COQ2: variants seen among roughly 807,000 people sequenced by gnomAD.
COQ2 encodes coenzyme Q2, polyprenyltransferase.
In COQ2, 25 loss-of-function variants were observed where a neutral mutation model predicts 35.7. The ratio of observed to expected loss-of-function variants is 0.70; its 90% CI spans 0.51 to 0.98. The LOEUF (loss-of-function observed/expected upper bound fraction) is 0.98. Ranked by LOEUF, COQ2 falls within the 50% of genes least tolerant of loss-of-function variation. The pLI, the probability that COQ2 is intolerant of heterozygous loss-of-function variation, is 0.00. For synonymous variants in COQ2, 206 were observed against 186.2 expected (o/e 1.11, Z -0.86); for missense variants, 488 against 473.5 (o/e 1.03, Z -0.28).
At chr4:83,275,113 ATCTT>A (rs1267765201) in intron 2 of COQ2, among the ~76,000 whole-genome samples, 3 of 152,218 alleles carry the variant, frequency 2.0e-5, no homozygotes, top group Non-Finnish European at 4.4e-5. Flanking sequence ...TGCTTTAAAA[ATCTT>A]TCTAAGAAAT....
Position 83,284,558 on chromosome 4 carries a change from G to T in COQ2, c.207C>A (p.Arg69=). The T allele has an allele frequency of 6.4e-7, 1 of 1,568,394 alleles. No individual in the cohort carries two copies. The highest frequency in any genetic ancestry group is 2.4e-5 in the East Asian group (1 of 41,754). ...SAAAVVDSAP[R]PLQPYLRLMR... Reference sequence around the variant, plus strand: ...TGAGGCGCAAGTACGGCTGCAGGGGGCGGGGCGCAGAGTCCACCACCGCCG... The same window carrying T: ...TGAGGCGCAAGTACGGCTGCAGGGGTCGGGGCGCAGAGTCCACCACCGCCG... Residue 69 remains arginine (R), a synonymous_variant, in exon 1 of 7, where the codon CGC becomes CGA. Coordinates refer to ENST00000647002, the MANE Select transcript of COQ2 (RefSeq NM_001358921.2).
In COQ2 at chr4:83,264,185, A is replaced by T. The variant is rs1734855044; in HGVS notation, c.*14T>A. 3 of 1,187,682 alleles carry T rather than the reference A, an allele frequency of 2.5e-6. No homozygotes were observed. Among genetic ancestry groups the T allele is most frequent in the Non-Finnish European group, 3.5e-6 (3 of 858,952 alleles). 73.6% of individuals were successfully genotyped at this position (1,187,682 alleles called of 1,614,324 possible). The stretch of plus-strand genomic sequence containing the variant: ...TAAAAAATGTTTTAAAAATTCCTAG[A>T]TAAATTTCATTCATTAATTTTCTAT... On this transcript the variant is annotated 3_prime_UTR_variant, in exon 7 of 7. Coordinates refer to ENST00000647002, the MANE Select transcript of COQ2 (RefSeq NM_001358921.2).
In COQ2 at chr4:83,284,754, G is replaced by T; in HGVS notation, c.11C>A (p.Ser4Ter). Reference sequence around the variant, plus strand: ...GCCCCGCGCGAACCCCGCGGCTCGCGAGCCCAGCATGGCGCTGGTGAGGCC... The same window carrying T: ...GCCCCGCGCGAACCCCGCGGCTCGCTAGCCCAGCATGGCGCTGGTGAGGCC... The part of the protein sequence containing the change: MLG[S>*]RAAGFARGLR... Residue 4 changes from serine (S) to a stop codon, truncating the protein, a stop_gained, in exon 1 of 7, where the codon TCG becomes TAG. Transcript: ENST00000647002. LOFTEE classifies it high-confidence loss of function. 1 of 1,536,542 alleles carries T rather than the reference G, an allele frequency of 6.5e-7. No individual in the cohort carries two copies. Among genetic ancestry groups the T allele is most frequent in the South Asian group, 1.2e-5 (1 of 82,850 alleles).
intron 2 of COQ2, among the ~76,000 whole-genome samples, chr4:83,277,826 G>A (rs990809182): frequency 3.3e-5 from 5 of 152,008 alleles, no homozygotes; most frequent in South Asian, 2.1e-4. Flanking sequence ...AAAATTAACC[G>A]GGCATGGTGG....
chr4:83,269,648 G>A (rs907098731), intron 5 of COQ2, among the ~76,000 whole-genome samples: 1 of 151,924 alleles, frequency 6.6e-6, no homozygotes, highest in African/African-American at 2.4e-5. Flanking sequence ...TTGAATTTTG[G>A]TAAACACACA....
intron 1 of COQ2, chr4:83,283,825 T>C (rs1735385464): frequency 7.1e-6 from 7 of 985,334 alleles, no homozygotes; most frequent in Middle Eastern, 5.2e-4. Flanking sequence ...GATAAAGCGA[T>C]AGAAAGTGAG....
At position 83,283,693 on chromosome 4, in the gene COQ2, C is replaced by G. The variant is rs62303673; in HGVS notation, c.253+819G>C. On this transcript the variant is annotated intron_variant, in intron 1 of 6. Transcript: ENST00000647002. ...AAGCAAAGGGTTTCCATAGCTTTTT[C>G]TATCTCTATGGCCGGACAACGTAGT... 4 of 985,230 alleles carry G rather than the reference C, an allele frequency of 4.1e-6. No homozygotes were observed. In the South Asian group the frequency reaches 1.9e-4, roughly 46 times the overall value. 61.0% of individuals were successfully genotyped at this position (985,230 alleles called of 1,614,324 possible).
At chr4:83,271,498 C>T (rs987714790) in intron 4 of COQ2, among the ~76,000 whole-genome samples, 1 of 152,058 alleles carries the variant, frequency 6.6e-6, no homozygotes, top group East Asian at 1.9e-4. Flanking sequence ...CATGACATAC[C>T]TAGATTTTTA....
chr4:83,270,381 C>T (rs972262918), intron 4 of COQ2, among the ~76,000 whole-genome samples: 15 of 152,222 alleles, frequency 9.9e-5, no homozygotes, highest in Admixed American at 7.9e-4. Flanking sequence ...TTTCTGTTAC[C>T]ACTCTGCCTC....
chr4:83,279,972 T>G lies in COQ2; in HGVS notation c.254-858A>C, dbSNP rs148279280. 7.7e-3 allele frequency among the ~76,000 whole-genome samples: 1,155 copies of G among 150,368 alleles called. 9 individuals are homozygous for G. The highest frequency in any genetic ancestry group is 0.021 in the Middle Eastern group (6 of 292). On this transcript the variant is annotated intron_variant, in intron 1 of 6. Transcript: ENST00000647002. ...AACTCCTGAGCTCAAGTGATCCTCC[T>G]GCCTCCGCCTCCCCAGTAGCTGGAA...
Position 83,273,626 on chromosome 4 carries a change from A to G in COQ2, c.421-9T>C, listed in dbSNP as rs778586293. 2 of 1,612,046 alleles carry G rather than the reference A, an allele frequency of 1.2e-6. No homozygotes were observed. Among genetic ancestry groups the G allele is most frequent in the Non-Finnish European group, 1.7e-6 (2 of 1,179,142 alleles). On this transcript the variant is annotated splice_polypyrimidine_tract_variant and intron_variant, in intron 2 of 6. Coordinates refer to ENST00000647002, the MANE Select transcript of COQ2 (RefSeq NM_001358921.2). Reference sequence around the variant, plus strand: ...TTGGCTGTTCTTGTAACCTTAAAACATAAAAACAGATACCTTAGCTTCATG... The same window carrying G: ...TTGGCTGTTCTTGTAACCTTAAAACGTAAAAACAGATACCTTAGCTTCATG...
chr4:83,279,511 T>C (rs896088020), intron 1 of COQ2, among the ~76,000 whole-genome samples: 1 of 152,182 alleles, frequency 6.6e-6, no homozygotes, highest in Admixed American at 6.6e-5. Context: ...GTATTTCTAA[T>C]GAGGTTACAA....
At chr4:83,278,879 A>C in intron 2 of COQ2, 69 bp downstream of exon 2, 1 of 1,406,614 alleles carries the variant, frequency 7.1e-7, no homozygotes, top group South Asian at 1.7e-5. Flanking sequence ...TGGCATTCAA[A>C]AGTGATACCA....
intron 2 of COQ2, among the ~76,000 whole-genome samples, chr4:83,277,928 C>T (rs942687176): frequency 6.6e-6 from 1 of 151,274 alleles, no homozygotes; most frequent in African/African-American, 2.4e-5. Context: ...GAGCTCGCAC[C>T]ACTGCACTCC....
intron 4 of COQ2, among the ~76,000 whole-genome samples, chr4:83,270,263 G>A (rs1735018300): frequency 6.6e-6 from 1 of 152,052 alleles, no homozygotes; most frequent in Non-Finnish European, 1.5e-5. Flanking sequence ...AAGTAAATAG[G>A]AGGTTTAAAG....
intron 1 of COQ2, among the ~76,000 whole-genome samples, chr4:83,279,630 C>G (rs75935650): frequency 0.023 from 3,514 of 151,896 alleles, 140 homozygotes; most frequent in African/African-American, 0.079. Context: ...ATTCATGCGT[C>G]AATGTTAATA....
chr4:83,271,499 T>C (rs1339223047), intron 4 of COQ2, among the ~76,000 whole-genome samples: 2 of 152,052 alleles, frequency 1.3e-5, no homozygotes, highest in Non-Finnish European at 2.9e-5. Flanking sequence ...ATGACATACC[T>C]AGATTTTTAA....
At chr4:83,270,244 C>T (rs1018465111) in intron 4 of COQ2, among the ~76,000 whole-genome samples, 2 of 152,014 alleles carry the variant, frequency 1.3e-5, no homozygotes, top group African/African-American at 4.8e-5. Flanking sequence ...AGAATAATAT[C>T]CCCTAATTAA....
chr4:83,273,980 CAAAAAA>C (rs967781699), intron 2 of COQ2, among the ~76,000 whole-genome samples: 28 of 29,068 alleles, frequency 9.6e-4, no homozygotes, highest in Middle Eastern at 0.015. Flanking sequence ...GCTGTCTCTA[CAAAAAA>C]AAAAAAAAAA....
Sources: allele counts gnomAD v4.1 joint callset (sites outside exome capture counted in the v4.1 genomes callset), GRCh38; gene constraint gnomAD v4.1.1; transcripts MANE v1.5; gene names NCBI Gene and HGNC (gene_info 2026-07-23, HGNC 2026-07-21).